Variants in CFAP74 observed in about 807,000 individuals in gnomAD.
The protein encoded by CFAP74 is cilia- and flagella-associated protein 74.
A neutral mutation model predicts 188.9 loss-of-function variants in CFAP74; 124 were observed. The observed-to-expected ratio is 0.66, with a 90% CI of 0.57 to 0.76. The LOEUF (loss-of-function observed/expected upper bound fraction) is 0.76. Ranked by LOEUF, CFAP74 falls within the 30% of genes least tolerant of loss-of-function variation. The pLI is 0.00. For synonymous variants in CFAP74, 956 were observed against 916.7 expected, an observed-to-expected ratio of 1.04 and a Z score of -0.77; for missense variants, 2,198 against 2,165.2, an observed-to-expected ratio of 1.02 and a Z score of -0.30.
chr1:1,938,200 C>T (rs1653060249), intron 25 of CFAP74, among the ~76,000 whole-genome samples: 1 of 146,932 alleles, frequency 6.8e-6, no homozygotes, highest in South Asian at 2.2e-4. Context: ...CATTCAGTCA[C>T]ATGCTCACAC....
At chr1:1,937,320 C>T (rs542468350) in intron 25 of CFAP74, among the ~76,000 whole-genome samples, 1 of 152,350 alleles carries the variant, frequency 6.6e-6, no homozygotes, top group African/African-American at 2.4e-5. Context: ...CAACACAGAA[C>T]AGAGGAACAT....
chr1:1,956,702 A>G lies in CFAP74; in HGVS notation c.1934T>C (p.Val645Ala), dbSNP rs943103425. The part of the protein sequence containing the change: ...TTSRTITLTN[V>A]GGLGTTFKFL... ...CTTGAAAGTCGTGCCCAAGCCCCCA[A>G]CGTTGGTCAGCGTGATGGTCCGAGA... The change falls in exon 17 of 39, where the codon GTT (valine) becomes GCT (alanine). Residue 645 changes from valine (V) to alanine (A), a missense_variant. By Grantham distance (64) the Val-to-Ala change is moderately conservative. Transcript: ENST00000682832. The G allele has an allele frequency of 6.8e-6, 11 of 1,613,938 alleles. 1 individual carries two copies. The highest frequency in any genetic ancestry group is 3.3e-5 in the South Asian group (3 of 91,070).
chr1:1,972,132 G>T, intron 8 of CFAP74, 50 bp from the exon 9 acceptor site: 1 of 1,387,044 alleles, frequency 7.2e-7, no homozygotes, highest in Non-Finnish European at 1.0e-6. Flanking sequence ...CCAGGCTGGT[G>T]TGCAGTGGTG....
intron 6 of CFAP74, among the ~76,000 whole-genome samples, chr1:1,983,310 C>T (rs1038421487): frequency 2.0e-5 from 3 of 152,254 alleles, no homozygotes; most frequent in African/African-American, 7.2e-5. Flanking sequence ...AGCCTCAAAG[C>T]TTCTGCCCAC....
At chr1:1,960,140 G>A (rs546684890) in intron 14 of CFAP74, 110 bp from the exon 15 acceptor site, 41 of 915,974 alleles carry the variant, frequency 4.5e-5, no homozygotes, top group African/African-American at 1.6e-4. Context: ...TCCCCATCCC[G>A]GGCCTGGCCC....
At position 1,940,395 on chromosome 1, in the gene CFAP74, A is replaced by G; in HGVS notation, c.2624T>C (p.Leu875Pro). Residue 875 changes from leucine (L) to proline (P), a missense_variant, in exon 23 of 39, where the codon CTC (leucine) becomes CCC (proline). Coordinates refer to ENST00000682832, the MANE Select transcript of CFAP74 (RefSeq NM_001304360.2). ...AAAATACCTCCCTGCGTCCTCCGGG[A>G]GGGAGTGTCTGAAAGAGGCAGACAA... ...VQLKFLPRHS[L>P]PEDAGRYFDK... 1 of 1,529,678 alleles carries G rather than the reference A, an allele frequency of 6.5e-7. No homozygotes were observed. The highest frequency in any genetic ancestry group is 8.7e-7 in the Non-Finnish European group (1 of 1,144,022). The allele number at this position is 1,529,678 out of a possible 1,614,324, so 94.8% of individuals were successfully genotyped here.
At chr1:1,934,266 G>T (rs1017764646) in intron 25 of CFAP74, among the ~76,000 whole-genome samples, 1 of 151,868 alleles carries the variant, frequency 6.6e-6, no homozygotes, top group African/African-American at 2.4e-5. Context: ...TAGGCTGTAG[G>T]TACACAGGTG....
At chr1:1,941,610 AG>A (rs1558006227) in intron 22 of CFAP74, among the ~76,000 whole-genome samples, 1 of 152,164 alleles carries the variant, frequency 6.6e-6, no homozygotes, top group Non-Finnish European at 1.5e-5. Flanking sequence ...GGATGAAGAC[AG>A]GGAAGACAGC....
chr1:1,940,500 G>A, intron 22 of CFAP74, 97 bp from the exon 23 acceptor site: 1 of 823,456 alleles, frequency 1.2e-6, no homozygotes, highest in South Asian at 1.8e-5. Flanking sequence ...TCCCGTGAGA[G>A]CTACGGCGTC....
intron 25 of CFAP74, among the ~76,000 whole-genome samples, chr1:1,938,493 C>T (rs1175934522): frequency 2.6e-5 from 4 of 151,804 alleles, no homozygotes; most frequent in Admixed American, 6.5e-5. Context: ...CACTGACAAA[C>T]GCACTCACAC....
intron 6 of CFAP74, chr1:1,983,887 C>T (rs988931959): frequency 6.6e-6 from 1 of 151,838 alleles, no homozygotes; most frequent in African/African-American, 2.4e-5. Flanking sequence ...ATGGGGGTTT[C>T]ACCGTGTTAG....
Position 1,922,266 on chromosome 1 carries a change from G to A in CFAP74, c.*21C>T, listed in dbSNP as rs543489031. The A allele has an allele frequency of 3.8e-6, 6 of 1,592,198 alleles. No individual in the cohort carries two copies. Among genetic ancestry groups the A allele is most frequent in the African/African-American group, 2.7e-5 (2 of 74,414 alleles). Reference sequence around the variant, plus strand: ...GCTTTGAGGGTGGACAGGAGGGCCCGAGGGTGCTCTGTGCAGAGGCTTAGG... The same window carrying A: ...GCTTTGAGGGTGGACAGGAGGGCCCAAGGGTGCTCTGTGCAGAGGCTTAGG... On this transcript the variant is annotated 3_prime_UTR_variant, in exon 39 of 39. Coordinates refer to ENST00000682832, the MANE Select transcript of CFAP74 (RefSeq NM_001304360.2).
At chr1:1,951,769 G>C (rs2102056955) in intron 18 of CFAP74, among the ~76,000 whole-genome samples, 1 of 152,302 alleles carries the variant, frequency 6.6e-6, no homozygotes, top group Admixed American at 6.5e-5. Flanking sequence ...AGTTCCTACA[G>C]TATAGAAAAT....
At chr1:1,948,162 T>C (rs28678761) in intron 18 of CFAP74, among the ~76,000 whole-genome samples, 2,746 of 152,224 alleles carry the variant, frequency 0.018, 69 homozygotes, top group African/African-American at 0.057. Context: ...TGAGCCACTG[T>C]GCCCGGCCAA....
chr1:1,935,133 G>A (rs568866926), intron 25 of CFAP74, among the ~76,000 whole-genome samples: 2 of 88,598 alleles, frequency 2.3e-5, no homozygotes, highest in Non-Finnish European at 4.8e-5. Context: ...AGGTACACAC[G>A]TGTGTACGTG....
chr1:1,955,965 G>A lies in CFAP74; in HGVS notation c.2017-115C>T, dbSNP rs114413755. ...TTGGGGGCTGGACCCTGGCTCCAGCGTGGCCCCTCAGCTGCCTCCTCGGCT... is the reference window on the plus strand; with the variant it reads ...TTGGGGGCTGGACCCTGGCTCCAGCATGGCCCCTCAGCTGCCTCCTCGGCT... On this transcript the variant is annotated intron_variant, in intron 17 of 38. Coordinates refer to ENST00000682832, the MANE Select transcript of CFAP74 (RefSeq NM_001304360.2). 1.4e-3 allele frequency: 2,062 copies of A among 1,449,600 alleles called. 35 individuals are homozygous for A. In the African/African-American group the frequency reaches 0.026, roughly 18 times the overall value. The allele number at this position is 1,449,600 out of a possible 1,614,324, so 89.8% of individuals were successfully genotyped here. A position where few individuals can be genotyped will look rare whatever the true frequency, so the allele number is the denominator to read the frequency against.
At chr1:1,949,923 G>C (rs1457880577) in intron 18 of CFAP74, among the ~76,000 whole-genome samples, 1 of 152,156 alleles carries the variant, frequency 6.6e-6, no homozygotes, top group African/African-American at 2.4e-5. Context: ...CTCCCCACGC[G>C]TGGGACATTA....
rs778484691 is a variant in CFAP74 at position 1,940,331 on chromosome 1, T to C, written c.2688A>G (p.Ile896Met). Reference sequence around the variant, plus strand: ...CAACACAGACCTGGTCGGCAACCCATATGGTCATCGGGGCCTCCAGGACTC... The same window carrying C: ...CAACACAGACCTGGTCGGCAACCCACATGGTCATCGGGGCCTCCAGGACTC... ...ETRVLEAPMT[I>M]WVADQNKPVG... The change falls in exon 23 of 39, where the codon ATA becomes ATG. Residue 896 changes from isoleucine (I) to methionine (M), a missense_variant. By Grantham distance (10) the Ile-to-Met change is conservative. Coordinates refer to ENST00000682832, the MANE Select transcript of CFAP74 (RefSeq NM_001304360.2). 3.9e-6 allele frequency: 6 copies of C among 1,535,642 alleles called. No individual in the cohort carries two copies. In the South Asian group the frequency reaches 5.9e-5, roughly 15 times the overall value.
In CFAP74 at chr1:1,974,098, G is replaced by A. The variant is rs779021655; in HGVS notation, c.601C>T (p.Arg201Cys). 77 of 1,612,094 alleles carry A rather than the reference G, an allele frequency of 4.8e-5. No homozygotes were observed. Among genetic ancestry groups the A allele is most frequent in the Admixed American group, 3.8e-4 (23 of 59,852 alleles). The change falls in exon 7 of 39, where the codon CGC becomes TGC. Residue 201 changes from arginine (R) to cysteine (C), a missense_variant. Physicochemically the swap from Arg to Cys is radical, Grantham distance 180 (BLOSUM62 -3). Coordinates refer to ENST00000682832, the MANE Select transcript of CFAP74 (RefSeq NM_001304360.2). The stretch of plus-strand genomic sequence containing the variant: ...TCTCTGCAGAGCTGCTCGGCTGCGC[G>A]CACCTGGAGCCGCCGCCCCGTGGCC... ...VEATGRRLQV[R>C]AAEQLCREQE... is the part of the protein sequence containing the mutation.
Sources: gnomAD v4.1 joint callset for allele counts (sites outside exome capture counted in the v4.1 genomes callset) on GRCh38, gnomAD v4.1.1 for gene constraint, MANE v1.5 for transcripts, NCBI Gene and HGNC (gene_info 2026-07-23, HGNC 2026-07-21) for gene names.